The following TJP1 variants were observed in gnomAD, a reference collection of about 807,000 sequenced individuals.
TJP1 encodes the protein tight junction protein ZO-1.
In TJP1, 43 loss-of-function variants were observed where a neutral mutation model predicts 194.2. That is an observed-to-expected ratio of 0.22 (90% CI 0.17 to 0.29). The LOEUF is 0.29. Ranked by LOEUF, TJP1 falls within the 10% of genes least tolerant of loss-of-function variation. TJP1 has a pLI of 1.00. For missense variants in TJP1, 1,971 were observed against 2,185.7 expected (o/e 0.90, Z 1.96); for synonymous variants, 801 against 779.0 (o/e 1.03, Z -0.47).
At chr15:29,726,627 T>C in intron 17 of TJP1, 148 bp from the exon 18 acceptor site, 3 of 1,130,088 alleles carry the variant, frequency 2.7e-6, no homozygotes, top group Non-Finnish European at 3.8e-6. Context: ...CTACTGTATA[T>C]TTTCTTTTAA....
intron 2 of TJP1, among the ~76,000 whole-genome samples, chr15:29,940,046 T>G (rs913281661): frequency 6.6e-6 from 1 of 152,242 alleles, no homozygotes. Context: ...TGACTCTCAT[T>G]GTGAGACTTC....
At chr15:29,770,511 C>T (rs925117888) in intron 4 of TJP1, among the ~76,000 whole-genome samples, 3 of 151,554 alleles carry the variant, frequency 2.0e-5, no homozygotes, top group East Asian at 2.0e-4. Flanking sequence ...ATCAGGAGAT[C>T]GACACCATCC....
At chr15:29,753,014 TC>T (rs1276082218) in intron 8 of TJP1, among the ~76,000 whole-genome samples, 3 of 152,184 alleles carry the variant, frequency 2.0e-5, no homozygotes, top group African/African-American at 7.2e-5. Flanking sequence ...AGAGAAGCTT[TC>T]TTCCCTGAGC....
At chr15:29,794,686 C>T (rs1431358717) in intron 2 of TJP1, among the ~76,000 whole-genome samples, 2 of 152,114 alleles carry the variant, frequency 1.3e-5, no homozygotes, top group Non-Finnish European at 2.9e-5. Flanking sequence ...CATACTTTAG[C>T]TAATTTAAAG....
intron 2 of TJP1, among the ~76,000 whole-genome samples, chr15:29,949,834 C>CACCTCCACAACCACCACCTCT (rs2055578407): frequency 1.3e-5 from 1 of 74,830 alleles, no homozygotes; most frequent in Admixed American, 1.5e-4. Context: ...CCACCACCAC[C>CACCTCCACAACCACCACCTCT]ACCTCCACAA....
chr15:29,712,293 C>T (rs1201914802), intron 23 of TJP1, among the ~76,000 whole-genome samples: 1 of 152,102 alleles, frequency 6.6e-6, no homozygotes, highest in African/African-American at 2.4e-5. Flanking sequence ...TCTGAAAGTG[C>T]ACATAATGCC....
chr15:29,733,667 G>A (rs1402932544), intron 12 of TJP1, among the ~76,000 whole-genome samples: 1 of 152,058 alleles, frequency 6.6e-6, no homozygotes, highest in Non-Finnish European at 1.5e-5. Context: ...ATCCAACATT[G>A]GACATTTGCC....
chr15:29,703,367 G>A (rs925415358), intron 27 of TJP1, among the ~76,000 whole-genome samples: 4 of 152,026 alleles, frequency 2.6e-5, no homozygotes. Flanking sequence ...GAAGCTGGGA[G>A]GCGAAGGTTG....
At chr15:29,768,271 A>G (rs1490583717) in intron 4 of TJP1, among the ~76,000 whole-genome samples, 3 of 152,194 alleles carry the variant, frequency 2.0e-5, no homozygotes, top group Non-Finnish European at 4.4e-5. Context: ...CCTGTTATGA[A>G]CTGAAAGAGA....
chr15:29,716,283 G>T (rs1191373526), intron 23 of TJP1, among the ~76,000 whole-genome samples: 1 of 152,168 alleles, frequency 6.6e-6, no homozygotes, highest in Non-Finnish European at 1.5e-5. Context: ...AAACAGAAAA[G>T]AAAAAGAACC....
At chr15:29,849,920 C>T (rs1217612167) in intron 2 of TJP1, among the ~76,000 whole-genome samples, 2 of 152,012 alleles carry the variant, frequency 1.3e-5, no homozygotes, top group East Asian at 1.9e-4. Flanking sequence ...GAAGTGATGG[C>T]GTGTCCTGCA....
intron 2 of TJP1, among the ~76,000 whole-genome samples, chr15:29,794,928 A>G (rs2048310886): frequency 6.6e-6 from 1 of 152,216 alleles, no homozygotes; most frequent in Non-Finnish European, 1.5e-5. Context: ...AAACAAAAGT[A>G]GGTATTTTGA....
At chr15:29,737,931 A>G (rs1051637574) in intron 10 of TJP1, among the ~76,000 whole-genome samples, 3 of 152,212 alleles carry the variant, frequency 2.0e-5, no homozygotes, top group African/African-American at 7.2e-5. Flanking sequence ...CAGTTGGTGG[A>G]GTCTTTCAGT....
intron 2 of TJP1, among the ~76,000 whole-genome samples, chr15:29,848,404 T>A (rs573383126): frequency 2.6e-5 from 4 of 152,350 alleles, no homozygotes. Flanking sequence ...TTGGTGCATA[T>A]GAACATTTAT....
chr15:29,732,188 C>T (rs1365500786), intron 15 of TJP1: 4 of 501,418 alleles, frequency 8.0e-6, no homozygotes, highest in South Asian at 2.5e-5. Flanking sequence ...GATTCAATGA[C>T]ATTGTATGTT....
intron 2 of TJP1, among the ~76,000 whole-genome samples, chr15:29,949,664 AC>A (rs2055546063): frequency 9.6e-6 from 1 of 104,452 alleles, no homozygotes; most frequent in Non-Finnish European, 2.0e-5. Flanking sequence ...CTCCACCTCC[AC>A]AACCACCACC....
chr15:29,832,197 C>T lies in TJP1; in HGVS notation c.307-31495G>A, dbSNP rs141208197. ...ATGACACAAGCAGAGGCTTGAAAAG[C>T]ACTAGGGCATTGGGGCGGCTGAGAG... On this transcript the variant is annotated intron_variant, in intron 2 of 28. Coordinates refer to the TJP1 transcript ENST00000356107. Among the ~76,000 whole-genome samples, 246 of 152,184 alleles carry T rather than the reference C, an allele frequency of 1.6e-3. 1 individual carries two copies. Among genetic ancestry groups the T allele is most frequent in the Middle Eastern group, 0.01 (3 of 294 alleles).
intron 4 of TJP1, among the ~76,000 whole-genome samples, chr15:29,767,739 A>ACTCCC (rs2046412030): frequency 6.8e-6 from 1 of 147,662 alleles, no homozygotes; most frequent in Admixed American, 6.7e-5. Context: ...GTGCCATTTT[A>ACTCCC]CTCCCCCTCC....
At chr15:29,848,138 G>A (rs1436345057) in intron 2 of TJP1, among the ~76,000 whole-genome samples, 1 of 150,864 alleles carries the variant, frequency 6.6e-6, no homozygotes, top group East Asian at 2.0e-4. Flanking sequence ...ATCAAATATG[G>A]TCTTTCTTGG....
Sources: gnomAD v4.1 joint callset for allele counts (sites outside exome capture counted in the v4.1 genomes callset) on GRCh38, gnomAD v4.1.1 for gene constraint, MANE v1.5 for transcripts, NCBI Gene and HGNC (gene_info 2026-07-23, HGNC 2026-07-21) for gene names.